The following DHX40 variants were observed in gnomAD, a reference collection of about 807,000 sequenced individuals.
DHX40 encodes probable ATP-dependent RNA helicase DHX40.
DHX40 carries 28 observed loss-of-function variants against 89.6 expected under a neutral mutation model. That is an observed-to-expected ratio of 0.31 (90% CI 0.23 to 0.43). The LOEUF (loss-of-function observed/expected upper bound fraction) is 0.43. Ranked by LOEUF, DHX40 falls within the 20% of genes least tolerant of loss-of-function variation. The probability of loss-of-function intolerance (pLI) is 1.00; values close to 1 mark genes in which losing one functional copy is unlikely to be tolerated. For synonymous variants in DHX40, 226 were observed against 283.6 expected, an observed-to-expected ratio of 0.80 and a Z score of 2.04; for missense variants, 457 against 844.0, an observed-to-expected ratio of 0.54 and a Z score of 5.68.
chr17:59,587,803 A>G, intron 11 of DHX40, 93 bp from the exon 12 acceptor site: 2 of 1,537,646 alleles, frequency 1.3e-6, no homozygotes, highest in South Asian at 2.5e-5. Flanking sequence ...ATTGGAGGTA[A>G]CGTAAATTAT....
At chr17:59,595,453 T>A (rs561193255) in intron 12 of DHX40, among the ~76,000 whole-genome samples, 7 of 151,710 alleles carry the variant, frequency 4.6e-5, no homozygotes, top group African/African-American at 1.7e-4. Context: ...ACAGATGAAC[T>A]CCGTAGCCTG....
chr17:59,595,165 C>A (rs1038988452), intron 12 of DHX40, among the ~76,000 whole-genome samples: 2 of 151,878 alleles, frequency 1.3e-5, no homozygotes, highest in Non-Finnish European at 2.9e-5. Context: ...CTCACCACAA[C>A]CTCTACCTCC....
chr17:59,606,948 A>G, intron 17 of DHX40, 85 bp from the exon 18 acceptor site: 1 of 1,300,764 alleles, frequency 7.7e-7, no homozygotes, highest in Non-Finnish European at 1.1e-6. Context: ...TTAACACTGA[A>G]AAATCAGGGC....
Position 59,607,332 on chromosome 17 carries a change from A to G in DHX40, c.*160A>G. 7.0e-7 allele frequency: 1 copy of G among 1,426,080 alleles called. No individual in the cohort carries two copies. The allele number at this position is 1,426,080 out of a possible 1,614,324, so 88.3% of individuals were successfully genotyped here. Reference sequence around the variant, plus strand: ...CAAAGCTCATAAATCAAAGCTCATCAGTTCCCATAAATGCAGTTGTCAAAG... The same window carrying G: ...CAAAGCTCATAAATCAAAGCTCATCGGTTCCCATAAATGCAGTTGTCAAAG... On this transcript the variant is annotated 3_prime_UTR_variant, in exon 18 of 18. Transcript: ENST00000251241.
intron 7 of DHX40, 102 bp from the exon 8 acceptor site, chr17:59,577,164 C>T (rs575549972): frequency 6.6e-5 from 65 of 983,190 alleles, no homozygotes; most frequent in African/African-American, 6.2e-4. Flanking sequence ...TCACCACGCC[C>T]GGCCTAGAAA....
At position 59,607,455 on chromosome 17, in the gene DHX40, T is replaced by C. The variant is rs1297514423; in HGVS notation, c.*283T>C. On this transcript the variant is annotated 3_prime_UTR_variant, in exon 18 of 18. Transcript: ENST00000251241. ...TTCCTCAGTACAATTTTGCTGGCCT[T>C]AACTGGTATCAAACGCTGTCATTGA... is the stretch of plus-strand genomic sequence containing the variant. The C allele has an allele frequency of 9.9e-6, 6 of 603,058 alleles. No homozygotes were observed. Among genetic ancestry groups the C allele is most frequent in the Non-Finnish European group, 1.7e-5 (6 of 343,418 alleles). 37.4% of individuals were successfully genotyped at this position (603,058 alleles called of 1,614,324 possible).
At chr17:59,597,635 G>A (rs1374040962) in intron 12 of DHX40, among the ~76,000 whole-genome samples, 1 of 151,868 alleles carries the variant, frequency 6.6e-6, no homozygotes, top group African/African-American at 2.4e-5. Context: ...GCTCACTGTA[G>A]CCTCAACCTC....
At chr17:59,581,870 T>C (rs1186329433) in intron 10 of DHX40, among the ~76,000 whole-genome samples, 3 of 124,068 alleles carry the variant, frequency 2.4e-5, no homozygotes, top group Admixed American at 8.0e-5. Flanking sequence ...TTGATAGTTA[T>C]CATTAGATTA....
chr17:59,587,824 T>C (rs1356160014), intron 11 of DHX40, 72 bp from the exon 12 acceptor site: 1 of 1,545,386 alleles, frequency 6.5e-7, no homozygotes, highest in Non-Finnish European at 8.8e-7. Flanking sequence ...ATCTGATTTA[T>C]TCTGAATGAT....
intron 2 of DHX40, among the ~76,000 whole-genome samples, chr17:59,567,234 A>C (rs980182802): frequency 1.3e-5 from 2 of 152,202 alleles, no homozygotes; most frequent in Non-Finnish European, 2.9e-5. Flanking sequence ...ATTACCTTTA[A>C]AATACGTTAA....
At chr17:59,590,739 G>T (rs1400657107) in intron 12 of DHX40, among the ~76,000 whole-genome samples, 1 of 151,872 alleles carries the variant, frequency 6.6e-6, no homozygotes, top group African/African-American at 2.4e-5. Flanking sequence ...TAAAATGCTG[G>T]TATTACAGGC....
In DHX40 at chr17:59,602,475, C is replaced by A. The variant is rs763788442; in HGVS notation, c.1807-47C>A. 9.0e-6 allele frequency: 13 copies of A among 1,452,208 alleles called. 1 individual carries two copies. In the South Asian group the frequency reaches 1.5e-4, roughly 17 times the overall value. The allele number at this position is 1,452,208 out of a possible 1,614,324, so 90.0% of individuals were successfully genotyped here. ...GATTTTTCAAAATAAAAGATTATTT[C>A]AAATTGTACTATGAGATTTACCACT... is the stretch of plus-strand genomic sequence containing the variant. On this transcript the variant is annotated intron_variant, in intron 14 of 17. Coordinates refer to ENST00000251241, the MANE Select transcript of DHX40 (RefSeq NM_024612.5).
At chr17:59,569,030 A>AT (rs2048748692) in intron 2 of DHX40, among the ~76,000 whole-genome samples, 2 of 152,008 alleles carry the variant, frequency 1.3e-5, no homozygotes, top group Admixed American at 6.6e-5. Context: ...AAGGTGGCAT[A>AT]TTTAAGTCCA....
chr17:59,574,366 C>T, intron 6 of DHX40, 112 bp downstream of exon 6: 1 of 364,914 alleles, frequency 2.7e-6, no homozygotes, highest in East Asian at 6.2e-5. Flanking sequence ...AAGTGTTGCC[C>T]TAGCTTTTTC....
In DHX40 at chr17:59,605,573, A is replaced by G. The variant is rs2030792746; in HGVS notation, c.2099A>G (p.His700Arg). 2 of 1,614,218 alleles carry G rather than the reference A, an allele frequency of 1.2e-6. No individual in the cohort carries two copies. The highest frequency in any genetic ancestry group is 1.7e-6 in the Non-Finnish European group (2 of 1,180,046). ...GTAAGAGACTTGTTACCCAAGTTGCATGAATTTAATGCACATGATTTGAGC... is the reference window on the plus strand; with the variant it reads ...GTAAGAGACTTGTTACCCAAGTTGCGTGAATTTAATGCACATGATTTGAGC... ...EWVRDLLPKL[H>R]EFNAHDLSSV... Residue 700 changes from histidine (H) to arginine (R), a missense_variant, in exon 17 of 18, where the codon CAT (histidine) becomes CGT (arginine). Physicochemically the swap from His to Arg is conservative, Grantham distance 29 (BLOSUM62 0). Transcript: ENST00000251241.
intron 10 of DHX40, among the ~76,000 whole-genome samples, chr17:59,581,179 A>G (rs1452311019): frequency 1.4e-5 from 2 of 143,006 alleles, no homozygotes; most frequent in Admixed American, 7.0e-5. Context: ...AGACAGAGTA[A>G]TACTCTGTAG....
At chr17:59,605,405 G>A (rs2030779362) in intron 16 of DHX40, 41 bp from the exon 17 acceptor site, 2 of 1,574,066 alleles carry the variant, frequency 1.3e-6, no homozygotes, top group African/African-American at 2.7e-5. Context: ...GAATAGGGCA[G>A]GTTATTGAGT....
chr17:59,573,054 G>A lies in DHX40; in HGVS notation c.427-62G>A, dbSNP rs1020171273. 6.5e-6 allele frequency: 10 copies of A among 1,550,146 alleles called. No individual in the cohort carries two copies. The Admixed American group carries it at 9.6e-5, about 15-fold the overall frequency. On this transcript the variant is annotated intron_variant, in intron 3 of 17. Transcript: ENST00000251241. ...TGATCACTTAATGTTTGTACCTCTT[G>A]AGGAAAAATTTAGTTGGGAAAATAG... is the stretch of plus-strand genomic sequence containing the variant.
At position 59,586,174 on chromosome 17, in the gene DHX40, T is replaced by C; in HGVS notation, c.1365T>C (p.Pro455=). The change falls in exon 11 of 18, where the codon CCT becomes CCC. Residue 455 remains proline, a synonymous_variant. Transcript: ENST00000251241. The part of the protein sequence containing the change: ...DVIRFPYLDP[P]NERLILEALK... ...ACAGGTTTCCCTATTTGGATCCACC[T>C]AATGAGAGACTTATTTTAGAAGCTC... The C allele has an allele frequency of 6.3e-7, 1 of 1,596,812 alleles. No individual in the cohort carries two copies. The highest frequency in any genetic ancestry group is 8.5e-7 in the Non-Finnish European group (1 of 1,171,000).
Sources: gnomAD v4.1 joint callset for allele counts (sites outside exome capture counted in the v4.1 genomes callset) on GRCh38, gnomAD v4.1.1 for gene constraint, MANE v1.5 for transcripts, NCBI Gene and HGNC (gene_info 2026-07-23, HGNC 2026-07-21) for gene names.